Variants in CDA observed in about 807,000 individuals in gnomAD.
The protein encoded by CDA is cytidine deaminase.
A neutral mutation model predicts 15.0 loss-of-function variants in CDA; 7 were observed. The observed-to-expected ratio is 0.47, with a 90% CI of 0.26 to 0.87. The LOEUF is 0.87. Among genes scored for constraint, CDA ranks in the 40% least tolerant of loss-of-function variants. The pLI, the probability that CDA is intolerant of heterozygous loss-of-function variation, is 0.15. For synonymous variants in CDA, 58 were observed against 73.0 expected, an observed-to-expected ratio of 0.79 and a Z score of 1.05; for missense variants, 159 against 182.7, an observed-to-expected ratio of 0.87 and a Z score of 0.75.
At chr1:20,589,608 G>A (rs747704401) in intron 1 of CDA, among the ~76,000 whole-genome samples, 6 of 152,114 alleles carry the variant, frequency 3.9e-5, no homozygotes, top group African/African-American at 7.2e-5. Context: ...TCCCAGCCTC[G>A]GATATGTCTG....
intron 1 of CDA, among the ~76,000 whole-genome samples, chr1:20,599,057 T>C (rs921252428): frequency 6.6e-6 from 1 of 152,152 alleles, no homozygotes; most frequent in Non-Finnish European, 1.5e-5. Flanking sequence ...GAGGAAGCCA[T>C]TTTAGATAGG....
chr1:20,605,177 C>G (rs1300461621), intron 2 of CDA, 138 bp downstream of exon 2: 6 of 708,436 alleles, frequency 8.5e-6, no homozygotes, highest in Admixed American at 8.1e-5. Context: ...TGTACAGGGC[C>G]CTGGGATGAG....
intron 1 of CDA, among the ~76,000 whole-genome samples, chr1:20,602,326 C>G (rs2052652389): frequency 6.6e-6 from 1 of 152,078 alleles, no homozygotes; most frequent in Non-Finnish European, 1.5e-5. Context: ...TCCTGGAGAC[C>G]AGATTCCTTC....
At chr1:20,593,555 G>C (rs1451510520) in intron 1 of CDA, among the ~76,000 whole-genome samples, 1 of 152,076 alleles carries the variant, frequency 6.6e-6, no homozygotes, top group East Asian at 1.9e-4. Flanking sequence ...AGTGCAAGCA[G>C]TCTCTGGTTT....
intron 2 of CDA, among the ~76,000 whole-genome samples, chr1:20,611,208 G>A (rs1054948095): frequency 5.3e-5 from 8 of 152,120 alleles, no homozygotes; most frequent in African/African-American, 1.9e-4. Flanking sequence ...CCACTGCACT[G>A]TAGCCTAGAC....
chr1:20,602,076 A>G (rs544530629), intron 1 of CDA, among the ~76,000 whole-genome samples: 29 of 148,100 alleles, frequency 2.0e-4, no homozygotes, highest in Admixed American at 6.8e-4. Flanking sequence ...AGCTATGATC[A>G]TGCCACTGCA....
At chr1:20,599,345 G>A (rs557555143) in intron 1 of CDA, among the ~76,000 whole-genome samples, 17 of 152,276 alleles carry the variant, frequency 1.1e-4, no homozygotes, top group Admixed American at 7.9e-4. Flanking sequence ...CAGGCCAGGC[G>A]TGGTGGCTCA....
intron 1 of CDA, among the ~76,000 whole-genome samples, chr1:20,603,565 G>T (rs564620012): frequency 6.6e-6 from 1 of 152,338 alleles, no homozygotes; most frequent in East Asian, 1.9e-4. Context: ...CCATTGGCCA[G>T]AACTGCATCA....
At chr1:20,608,554 T>A (rs2052715773) in intron 2 of CDA, among the ~76,000 whole-genome samples, 1 of 152,092 alleles carries the variant, frequency 6.6e-6, no homozygotes, top group African/African-American at 2.4e-5. Context: ...AGACTACAGG[T>A]GCCGGCCAGC....
At chr1:20,605,673 AT>A (rs1212197999) in intron 2 of CDA, among the ~76,000 whole-genome samples, 1 of 111,272 alleles carries the variant, frequency 9.0e-6, no homozygotes, top group African/African-American at 3.2e-5. Flanking sequence ...AAAAAAAAAA[AT>A]TTTTTTTTGC....
chr1:20,599,344 C>T (rs945500950), intron 1 of CDA, among the ~76,000 whole-genome samples: 12 of 152,102 alleles, frequency 7.9e-5, no homozygotes, highest in Non-Finnish European at 1.6e-4. Context: ...TCAGGCCAGG[C>T]GTGGTGGCTC....
At chr1:20,602,740 C>T (rs1366666163) in intron 1 of CDA, among the ~76,000 whole-genome samples, 2 of 152,174 alleles carry the variant, frequency 1.3e-5, no homozygotes, top group African/African-American at 4.8e-5. Context: ...TTTTTATAGG[C>T]CAGGCTTGTG....
rs552002962 is a variant in CDA, at chr1:20,606,218, C to T, written c.266+1179C>T. Among the ~76,000 whole-genome samples, 7 of 145,416 alleles carry T rather than the reference C, an allele frequency of 4.8e-5. No homozygotes were observed. In the South Asian group the frequency reaches 1.4e-3, roughly 30 times the overall value. ...TGACGGTTGGCGGGCGCCTGTAGTC[C>T]CAGCTACTTGGGAGGCTGAGGCAGG... On this transcript the variant is annotated intron_variant, in intron 2 of 3. Transcript: ENST00000375071.
intron 2 of CDA, among the ~76,000 whole-genome samples, chr1:20,610,427 A>G (rs1039295264): frequency 6.6e-6 from 1 of 151,632 alleles, no homozygotes; most frequent in Non-Finnish European, 1.5e-5. Flanking sequence ...CAGCCTCCCA[A>G]GTAGCAGGGA....
chr1:20,601,087 A>G (rs2052639538), intron 1 of CDA, among the ~76,000 whole-genome samples: 1 of 152,228 alleles, frequency 6.6e-6, no homozygotes. Context: ...TCCTATAACT[A>G]AACCGTGGGA....
In CDA at chr1:20,589,251, C is replaced by T. The variant is rs2052527031; in HGVS notation, c.122C>T (p.Ala41Val). 6.2e-7 allele frequency: 1 copy of T among 1,614,056 alleles called. No individual in the cohort carries two copies. Among genetic ancestry groups the T allele is most frequent in the African/African-American group, 1.3e-5 (1 of 75,028 alleles). Residue 41 changes from alanine (A) to valine (V), a missense_variant, in exon 1 of 4, where the codon GCC becomes GTC. Transcript: ENST00000375071. ...CPYSHFPVGA[A>V]LLTQEGRIFK... ...TACAGTCACTTTCCTGTGGGGGCTGCCCTGCTCACCCAGGAGGGGAGAATC... is the reference window on the plus strand; with the variant it reads ...TACAGTCACTTTCCTGTGGGGGCTGTCCTGCTCACCCAGGAGGGGAGAATC...
At chr1:20,614,896 C>G (rs1393944187) in intron 3 of CDA, among the ~76,000 whole-genome samples, 1 of 152,048 alleles carries the variant, frequency 6.6e-6, no homozygotes. Context: ...GAGTCTCACT[C>G]TGTCACCCAG....
At chr1:20,591,749 G>A (rs1295692134) in intron 1 of CDA, among the ~76,000 whole-genome samples, 2 of 152,158 alleles carry the variant, frequency 1.3e-5, no homozygotes, top group South Asian at 2.1e-4. Flanking sequence ...AGGTTCCTGG[G>A]TTGGAAGGCT....
intron 2 of CDA, among the ~76,000 whole-genome samples, chr1:20,607,622 C>T (rs1271868461): frequency 6.6e-6 from 1 of 152,152 alleles, no homozygotes; most frequent in Non-Finnish European, 1.5e-5. Flanking sequence ...TGGTCATTAT[C>T]GACTTTTAAA....
Sources: allele counts gnomAD v4.1 joint callset (sites outside exome capture counted in the v4.1 genomes callset), GRCh38; gene constraint gnomAD v4.1.1; transcripts MANE v1.5; gene names NCBI Gene and HGNC (gene_info 2026-07-23, HGNC 2026-07-21).